Variants in BANK1 observed in about 807,000 individuals in gnomAD.
The protein encoded by BANK1 is B-cell scaffold protein with ankyrin repeats.
Under a neutral mutation model 94.5 loss-of-function variants are expected in BANK1, and 95 were observed. The observed-to-expected ratio is 1.00, with a 90% CI of 0.85 to 1.19. BANK1 has a LOEUF of 1.19. Among genes scored for constraint, BANK1 ranks in the 50% most tolerant of loss-of-function variants. BANK1 has a pLI of 0.00. For synonymous variants in BANK1, 334 were observed against 308.4 expected (o/e 1.08, Z -0.87); for missense variants, 987 against 932.2 (o/e 1.06, Z -0.77).
intron 5 of BANK1, among the ~76,000 whole-genome samples, chr4:101,877,442 G>A (rs562908450): frequency 2.0e-5 from 3 of 152,216 alleles, no homozygotes; most frequent in African/African-American, 7.2e-5. Context: ...AAGAGTAAGC[G>A]ATGAACCAAT....
intron 10 of BANK1, among the ~76,000 whole-genome samples, chr4:102,034,228 A>G (rs1345143609): frequency 1.3e-5 from 2 of 152,188 alleles, no homozygotes; most frequent in Admixed American, 1.3e-4. Flanking sequence ...ATAGAGGAAA[A>G]ATACAGGAAT....
chr4:101,932,938 A>G (rs545595274), intron 7 of BANK1, among the ~76,000 whole-genome samples: 1 of 151,670 alleles, frequency 6.6e-6, no homozygotes, highest in East Asian at 2.0e-4. Context: ...AAAGGTGTTT[A>G]TATAGGGCTG....
At chr4:101,880,067 A>T (rs1046193414) in intron 5 of BANK1, among the ~76,000 whole-genome samples, 1 of 152,146 alleles carries the variant, frequency 6.6e-6, no homozygotes, top group African/African-American at 2.4e-5. Flanking sequence ...GTTATTCAAC[A>T]TAGTACTGAA....
chr4:101,808,969 C>T (rs568688544), intron 1 of BANK1, among the ~76,000 whole-genome samples: 22 of 152,222 alleles, frequency 1.4e-4, no homozygotes, highest in Non-Finnish European at 2.6e-4. Flanking sequence ...AGTAGATCTA[C>T]CATTTGATCC....
intron 1 of BANK1, among the ~76,000 whole-genome samples, chr4:101,821,422 C>G (rs1213802828): frequency 2.0e-5 from 3 of 152,070 alleles, no homozygotes; most frequent in Non-Finnish European, 4.4e-5. Context: ...ACTGTTGATA[C>G]TTTCTTTTGC....
intron 2 of BANK1, among the ~76,000 whole-genome samples, chr4:101,840,180 G>A (rs1331766559): frequency 2.7e-5 from 4 of 149,934 alleles, no homozygotes; most frequent in African/African-American, 9.8e-5. Context: ...GTTTTAGCCG[G>A]GATGGTCTCG....
chr4:102,022,075 T>C (rs1726927930), intron 8 of BANK1, among the ~76,000 whole-genome samples: 1 of 152,006 alleles, frequency 6.6e-6, no homozygotes, highest in Non-Finnish European at 1.5e-5. Context: ...TATATAAATG[T>C]ATATATATAC....
chr4:102,004,436 C>T (rs1308768974), intron 7 of BANK1, among the ~76,000 whole-genome samples: 1 of 152,156 alleles, frequency 6.6e-6, no homozygotes. Flanking sequence ...CATTTCCAAT[C>T]ACGTCAAAAA....
At chr4:101,901,098 C>G (rs1722267986) in intron 6 of BANK1, among the ~76,000 whole-genome samples, 1 of 152,192 alleles carries the variant, frequency 6.6e-6, no homozygotes, top group Non-Finnish European at 1.5e-5. Flanking sequence ...ATACACAACA[C>G]CATCCATTAA....
chr4:102,070,569 T>C (rs1728725926), intron 13 of BANK1, among the ~76,000 whole-genome samples: 1 of 152,196 alleles, frequency 6.6e-6, no homozygotes, highest in South Asian at 2.1e-4. Context: ...CAATTATCAC[T>C]TTAGTGAGGC....
At chr4:102,030,686 A>C (rs763165748) in intron 10 of BANK1, among the ~76,000 whole-genome samples, 2 of 150,934 alleles carry the variant, frequency 1.3e-5, no homozygotes, top group Non-Finnish European at 2.9e-5. Context: ...GAGAACATGC[A>C]GTGTTTGGTT....
chr4:102,042,474 T>C (rs1176899044), intron 10 of BANK1, among the ~76,000 whole-genome samples: 1 of 152,030 alleles, frequency 6.6e-6, no homozygotes, highest in Non-Finnish European at 1.5e-5. Context: ...AAGAGCACAG[T>C]TGAAGGGAGT....
chr4:102,004,413 C>A (rs1006359918), intron 7 of BANK1, among the ~76,000 whole-genome samples: 1 of 152,202 alleles, frequency 6.6e-6, no homozygotes, highest in Non-Finnish European at 1.5e-5. Context: ...GTCACTGAGA[C>A]TCCTGACATC....
chr4:101,812,773 C>T (rs186977409), intron 1 of BANK1, among the ~76,000 whole-genome samples: 238 of 152,044 alleles, frequency 1.6e-3, no homozygotes, highest in African/African-American at 5.4e-3. Flanking sequence ...AGCAACCCCA[C>T]CAGGAATTTC....
intron 7 of BANK1, among the ~76,000 whole-genome samples, chr4:101,981,024 G>T (rs191660631): frequency 2.0e-4 from 31 of 152,194 alleles, no homozygotes; most frequent in African/African-American, 7.2e-4. Context: ...TGCAAATATA[G>T]TGATAGTTTC....
At position 102,012,031 on chromosome 4, in the gene BANK1, T is replaced by C. The variant is rs148682639; in HGVS notation, c.1207-9483T>C. 5.7e-3 allele frequency among the ~76,000 whole-genome samples: 875 copies of C among 152,298 alleles called. 11 individuals carry two copies. Among genetic ancestry groups the C allele is most frequent in the African/African-American group, 0.02 (833 of 41,584 alleles). On this transcript the variant is annotated intron_variant, in intron 7 of 16. Transcript: ENST00000322953. ...GAAAATTATTCATGAAGGATATGTA[T>C]GTATGTCTCCTAGTTTTCTTTATTT...
chr4:102,032,746 A>G (rs1002916534), intron 10 of BANK1, among the ~76,000 whole-genome samples: 7 of 152,068 alleles, frequency 4.6e-5, no homozygotes, highest in Admixed American at 2.6e-4. Flanking sequence ...TTACCCAGGC[A>G]TGGTGGCAGG....
chr4:101,865,194 A>G (rs979246809), intron 4 of BANK1, among the ~76,000 whole-genome samples: 5 of 152,156 alleles, frequency 3.3e-5, no homozygotes, highest in African/African-American at 1.2e-4. Context: ...ACAATCCACT[A>G]TTCCAAAAGC....
intron 7 of BANK1, among the ~76,000 whole-genome samples, chr4:102,007,656 A>T (rs1490040205): frequency 6.6e-6 from 1 of 152,104 alleles, no homozygotes; most frequent in Non-Finnish European, 1.5e-5. Flanking sequence ...TCTACCTGAT[A>T]AAAAATGTTT....
Sources: gnomAD v4.1 joint callset for allele counts (sites outside exome capture counted in the v4.1 genomes callset) on GRCh38, gnomAD v4.1.1 for gene constraint, MANE v1.5 for transcripts, NCBI Gene and HGNC (gene_info 2026-07-23, HGNC 2026-07-21) for gene names.